The following CNTN5 variants were observed in gnomAD, a reference collection of about 807,000 sequenced individuals.
CNTN5 encodes contactin-5.
CNTN5 carries 77 observed loss-of-function variants against 129.1 expected under a neutral mutation model. The ratio of observed to expected loss-of-function variants is 0.60; its 90% CI spans 0.50 to 0.72. The LOEUF is 0.72. CNTN5 is among the 30% of genes least tolerant of loss of function. The pLI is 0.00. For missense variants in CNTN5, 1,478 were observed against 1,328.8 expected, an observed-to-expected ratio of 1.11 and a Z score of -1.75; for synonymous variants, 509 against 465.6, an observed-to-expected ratio of 1.09 and a Z score of -1.20.
At chr11:99,026,161 A>G (rs899834955) in intron 1 of CNTN5, among the ~76,000 whole-genome samples, 2 of 151,680 alleles carry the variant, frequency 1.3e-5, no homozygotes, top group African/African-American at 4.8e-5. Flanking sequence ...TTTCATGATC[A>G]TTAAATATGA....
intron 1 of CNTN5, among the ~76,000 whole-genome samples, chr11:99,116,162 C>A (rs1329474434): frequency 6.6e-6 from 1 of 152,110 alleles, no homozygotes; most frequent in Non-Finnish European, 1.5e-5. Flanking sequence ...CATTTTATTT[C>A]TATTTACCTT....
At chr11:99,425,179 G>T (rs1276224206) in intron 2 of CNTN5, among the ~76,000 whole-genome samples, 5 of 152,110 alleles carry the variant, frequency 3.3e-5, no homozygotes, top group Admixed American at 3.3e-4. Context: ...TGTGCTGATT[G>T]GTCCATGGGT....
chr11:99,454,041 C>T (rs373054905), intron 2 of CNTN5, among the ~76,000 whole-genome samples: 1 of 152,134 alleles, frequency 6.6e-6, no homozygotes, highest in Non-Finnish European at 1.5e-5. Context: ...AAATACCCAG[C>T]TCTAAAATTT....
chr11:99,505,683 CT>C (rs1405025960), intron 2 of CNTN5, among the ~76,000 whole-genome samples: 6 of 152,186 alleles, frequency 3.9e-5, no homozygotes, highest in Admixed American at 3.9e-4. Context: ...ATTATATCTC[CT>C]CCCCCAATCC....
At chr11:100,255,372 A>AT (rs1323406719) in intron 16 of CNTN5, among the ~76,000 whole-genome samples, 1,586 of 75,128 alleles carry the variant, frequency 0.021, 16 homozygotes, top group African/African-American at 0.063. Context: ...TAAGGATGAG[A>AT]TTTTTTTTTT....
In CNTN5 at chr11:99,282,015, G is replaced by GTT. The variant is rs112249570; in HGVS notation, c.-209-43325_-209-43324dup. Among the ~76,000 whole-genome samples, 211 of 151,858 alleles carry GTT rather than the reference G, an allele frequency of 1.4e-3. 2 individuals are homozygous for GTT. Among genetic ancestry groups the GTT allele is most frequent in the African/African-American group, 4.9e-3 (203 of 41,464 alleles). ...CTGTGCTCCACCAAATGTTTTGTTT[G>GTT]TTTTTTTGTTTTGTTTTACTGTGTA... On this transcript the variant is annotated intron_variant, in intron 1 of 24. Coordinates refer to ENST00000524871, the MANE Select transcript of CNTN5 (RefSeq NM_014361.4).
chr11:100,090,051 T>C lies in CNTN5; in HGVS notation c.1580+15757T>C, dbSNP rs1351781475. On this transcript the variant is annotated intron_variant, in intron 13 of 24. Transcript: ENST00000524871. Reference sequence around the variant, plus strand: ...GAACATGTATCCCAGAACTTTAAATTACACTTTTAAAATATGTGATTCACC... The same window carrying C: ...GAACATGTATCCCAGAACTTTAAATCACACTTTTAAAATATGTGATTCACC... Among the ~76,000 whole-genome samples, 4 of 152,172 alleles carry C rather than the reference T, an allele frequency of 2.6e-5. No homozygotes were observed. In the East Asian group the frequency reaches 7.7e-4, roughly 29 times the overall value.
At chr11:99,796,499 C>T (rs1945946075) in intron 3 of CNTN5, among the ~76,000 whole-genome samples, 1 of 152,070 alleles carries the variant, frequency 6.6e-6, no homozygotes, top group African/African-American at 2.4e-5. Context: ...AATGGCTGCT[C>T]TGCTGGAGCT....
chr11:99,988,921 T>C (rs1289019599), intron 8 of CNTN5, among the ~76,000 whole-genome samples: 1 of 152,096 alleles, frequency 6.6e-6, no homozygotes. Flanking sequence ...TAAGTCACCT[T>C]AATATTATTT....
intron 3 of CNTN5, among the ~76,000 whole-genome samples, chr11:99,721,799 C>A (rs878943098): frequency 4.6e-5 from 7 of 152,076 alleles, no homozygotes; most frequent in African/African-American, 1.7e-4. Flanking sequence ...GAAAAACATA[C>A]AACCCCATTT....
chr11:99,740,776 T>C (rs1254939627), intron 3 of CNTN5, among the ~76,000 whole-genome samples: 1 of 152,162 alleles, frequency 6.6e-6, no homozygotes, highest in African/African-American at 2.4e-5. Flanking sequence ...CATTTTTAAC[T>C]GAAGAAATAT....
chr11:99,056,530 G>T (rs1003897248), intron 1 of CNTN5, among the ~76,000 whole-genome samples: 3 of 151,976 alleles, frequency 2.0e-5, no homozygotes, highest in African/African-American at 7.2e-5. Context: ...CAGAACTGCT[G>T]CCAGTAGATG....
At chr11:99,527,528 C>A (rs1947531935) in intron 2 of CNTN5, among the ~76,000 whole-genome samples, 1 of 151,990 alleles carries the variant, frequency 6.6e-6, no homozygotes, top group African/African-American at 2.4e-5. Context: ...CCAAGACTTC[C>A]AGTATGAATA....
At chr11:99,122,081 C>T (rs917554417) in intron 1 of CNTN5, among the ~76,000 whole-genome samples, 12 of 151,836 alleles carry the variant, frequency 7.9e-5, no homozygotes, top group Admixed American at 7.9e-4. Flanking sequence ...TGTGCTGCAC[C>T]CATTAACTAG....
intron 16 of CNTN5, among the ~76,000 whole-genome samples, chr11:100,240,601 G>A (rs921997385): frequency 2.6e-5 from 4 of 152,142 alleles, no homozygotes; most frequent in African/African-American, 9.7e-5. Context: ...TAAAATTAAT[G>A]AGCCCAGATA....
At chr11:99,829,735 T>A (rs368038837) in intron 4 of CNTN5, among the ~76,000 whole-genome samples, 2 of 152,216 alleles carry the variant, frequency 1.3e-5, no homozygotes, top group South Asian at 4.1e-4. Flanking sequence ...TCTAAAGTAG[T>A]TATTTGAGTA....
intron 16 of CNTN5, among the ~76,000 whole-genome samples, chr11:100,231,926 G>T (rs764129951): frequency 6.6e-6 from 1 of 152,102 alleles, no homozygotes; most frequent in Non-Finnish European, 1.5e-5. Flanking sequence ...AGGCAAGGTG[G>T]GCAGATCACT....
chr11:99,877,014 C>G (rs1056040086), intron 6 of CNTN5, among the ~76,000 whole-genome samples: 1 of 151,640 alleles, frequency 6.6e-6, no homozygotes, highest in Non-Finnish European at 1.5e-5. Flanking sequence ...CTTTTAAATT[C>G]TAGGGAGAAA....
chr11:99,348,574 A>AT (rs1370016640), intron 2 of CNTN5, among the ~76,000 whole-genome samples: 2 of 152,110 alleles, frequency 1.3e-5, no homozygotes, highest in African/African-American at 2.4e-5. Context: ...GCCTTCGGAT[A>AT]TTTTTTTAAC....
Sources: allele counts gnomAD v4.1 joint callset (sites outside exome capture counted in the v4.1 genomes callset), GRCh38; gene constraint gnomAD v4.1.1; transcripts MANE v1.5; gene names NCBI Gene and HGNC (gene_info 2026-07-23, HGNC 2026-07-21).